The following ABAT variants were observed in gnomAD, a reference collection of about 807,000 sequenced individuals.
The protein encoded by ABAT is 4-aminobutyrate aminotransferase, mitochondrial.
ABAT carries 45 observed loss-of-function variants against 64.6 expected under a neutral mutation model. The ratio of observed to expected loss-of-function variants is 0.70; its 90% CI spans 0.55 to 0.89. ABAT has a LOEUF of 0.89. ABAT is among the 40% of genes least tolerant of loss of function. The pLI is 0.00. For synonymous variants in ABAT, 297 were observed against 250.5 expected (o/e 1.19, Z -1.75); for missense variants, 633 against 658.4 (o/e 0.96, Z 0.42).
intron 8 of ABAT, among the ~76,000 whole-genome samples, chr16:8,765,518 A>G (rs1412291986): frequency 6.6e-6 from 1 of 150,472 alleles, no homozygotes; most frequent in African/African-American, 2.4e-5. Flanking sequence ...ACAAAAAATT[A>G]GCTGGGTGCG....
intron 1 of ABAT, among the ~76,000 whole-genome samples, chr16:8,676,209 G>T (rs1482554288): frequency 6.6e-6 from 1 of 152,112 alleles, no homozygotes; most frequent in African/African-American, 2.4e-5. Context: ...GAGGTAAATG[G>T]TCCAGTCTGG....
intron 1 of ABAT, among the ~76,000 whole-genome samples, chr16:8,698,780 C>A (rs1567274531): frequency 6.6e-6 from 1 of 151,386 alleles, no homozygotes; most frequent in African/African-American, 2.4e-5. Flanking sequence ...CCCATCTCTA[C>A]AAAAAAAATA....
At chr16:8,736,056 G>T (rs761820398) in intron 2 of ABAT, 2 of 502,066 alleles carry the variant, frequency 4.0e-6, no homozygotes, top group African/African-American at 1.9e-5. Flanking sequence ...CACAATCATG[G>T]CGGAAGGTGA....
intron 5 of ABAT, among the ~76,000 whole-genome samples, chr16:8,754,990 C>G (rs543949830): frequency 1.1e-4 from 17 of 152,042 alleles, no homozygotes; most frequent in Non-Finnish European, 2.2e-4. Context: ...AGTGAGATTC[C>G]TTTCTTATCT....
At chr16:8,676,256 G>A (rs2057199157) in intron 1 of ABAT, among the ~76,000 whole-genome samples, 1 of 152,094 alleles carries the variant, frequency 6.6e-6, no homozygotes, top group South Asian at 2.1e-4. Context: ...CATTAAAGAC[G>A]TGGCCCCTTC....
rs753527295 is a variant in ABAT, at chr16:8,776,316, G to A, written c.1123-28G>A. 8 of 1,613,970 alleles carry A rather than the reference G, an allele frequency of 5.0e-6. No homozygotes were observed. The highest frequency in any genetic ancestry group is 4.4e-5 in the South Asian group (4 of 91,062). Reference sequence around the variant, plus strand: ...CCTGCAGGGTGTGCATGTGTGTGAAGCCTTCCAACACCCGTTCCTCATTCC... The same window carrying A: ...CCTGCAGGGTGTGCATGTGTGTGAAACCTTCCAACACCCGTTCCTCATTCC... On this transcript the variant is annotated intron_variant, in intron 13 of 15. Transcript: ENST00000268251. This position sits in a 1 kb window ranked among gnomAD's most constrained non-coding sequence, Gnocchi z 4.4.
chr16:8,722,281 G>C (rs542525980), intron 1 of ABAT, among the ~76,000 whole-genome samples: 1 of 152,144 alleles, frequency 6.6e-6, no homozygotes, highest in Non-Finnish European at 1.5e-5. Context: ...AACTTGACGG[G>C]GGAAGATAGC....
At chr16:8,735,591 A>G (rs2058899342) in intron 1 of ABAT, 108 bp from the exon 2 acceptor site, 6 of 936,498 alleles carry the variant, frequency 6.4e-6, no homozygotes, top group South Asian at 5.6e-5. Flanking sequence ...GCATTTGACA[A>G]TGTCAGAAGA....
At chr16:8,709,749 G>T (rs2058028016) in intron 1 of ABAT, among the ~76,000 whole-genome samples, 1 of 152,004 alleles carries the variant, frequency 6.6e-6, no homozygotes, top group African/African-American at 2.4e-5. Flanking sequence ...AGAAAAGCGT[G>T]GACTTGGCAA....
chr16:8,738,573 T>C (rs970085502), intron 2 of ABAT: 2 of 397,912 alleles, frequency 5.0e-6, no homozygotes, highest in Admixed American at 3.6e-5. Context: ...TCAATGGCTT[T>C]TGAGGTTTTG....
At chr16:8,752,876 A>G (rs8047293) in intron 5 of ABAT, among the ~76,000 whole-genome samples, 26,243 of 152,240 alleles carry the variant, frequency 0.17, 2,253 homozygotes, top group Middle Eastern at 0.32. Flanking sequence ...GTTAATACTT[A>G]TAGAGAATTT....
Position 8,776,194 on chromosome 16 carries a change from G to T in ABAT, c.1123-150G>T. ...CCTCTGGTAGAGAAGAATTCAGCGAGATTGGGTGTGTTCCCCTGCCAGCCT... is the reference window on the plus strand; with the variant it reads ...CCTCTGGTAGAGAAGAATTCAGCGATATTGGGTGTGTTCCCCTGCCAGCCT... On this transcript the variant is annotated intron_variant, in intron 13 of 15. Coordinates refer to ENST00000268251, the MANE Select transcript of ABAT (RefSeq NM_020686.6). The surrounding 1 kb of genome is among the most constrained non-coding windows in gnomAD (Gnocchi z 4.4). The T allele has an allele frequency of 9.6e-7, 1 of 1,047,070 alleles. No homozygotes were observed. 64.9% of individuals were successfully genotyped at this position (1,047,070 alleles called of 1,614,324 possible). A position where few individuals can be genotyped will look rare whatever the true frequency, so the allele number is the denominator to read the frequency against.
intron 1 of ABAT, among the ~76,000 whole-genome samples, chr16:8,705,871 T>C (rs540281532): frequency 2.0e-4 from 30 of 152,342 alleles, no homozygotes; most frequent in Non-Finnish European, 4.1e-4. Context: ...GCACCAGCCA[T>C]TAGCCCACAT....
intron 1 of ABAT, among the ~76,000 whole-genome samples, chr16:8,734,058 C>T (rs1433052309): frequency 6.6e-6 from 1 of 152,182 alleles, no homozygotes. Flanking sequence ...TAGGTTGCTT[C>T]CACCTCTTGG....
chr16:8,700,199 T>A (rs1208228676), intron 1 of ABAT, among the ~76,000 whole-genome samples: 1 of 152,140 alleles, frequency 6.6e-6, no homozygotes, highest in Non-Finnish European at 1.5e-5. Context: ...ATTGCAGGTG[T>A]GGTTTTTGCC....
intron 1 of ABAT, chr16:8,722,861 GAA>G (rs2058413037): frequency 7.8e-7 from 1 of 1,289,116 alleles, no homozygotes; most frequent in Non-Finnish European, 1.0e-6. Context: ...AAGGCTTGGG[GAA>G]AATGCTGTGG....
chr16:8,696,151 C>G lies in ABAT; in HGVS notation c.-42+21440C>G, dbSNP rs191120509. Among the ~76,000 whole-genome samples the G allele has an allele frequency of 8.9e-4, 135 of 152,310 alleles. 1 individual carries two copies. Among genetic ancestry groups the G allele is most frequent in the Non-Finnish European group, 1.7e-3 (118 of 68,020 alleles). On this transcript the variant is annotated intron_variant, in intron 1 of 15. Transcript: ENST00000268251. ...CAAACCCAGGTCTGAGTGCACAGCC[C>G]ATGACCCTAACACCTGGGCCCCATT...
At chr16:8,678,055 G>A (rs1310229722) in intron 1 of ABAT, among the ~76,000 whole-genome samples, 2 of 151,908 alleles carry the variant, frequency 1.3e-5, no homozygotes, top group African/African-American at 4.8e-5. Flanking sequence ...GTGAGACACT[G>A]TCTCCAAAAA....
chr16:8,767,744 C>T (rs368784338), intron 9 of ABAT, among the ~76,000 whole-genome samples: 133 of 152,254 alleles, frequency 8.7e-4, no homozygotes, highest in African/African-American at 2.7e-3. Context: ...GGCGCGAACT[C>T]GGCTCACTGC....
Sources: gnomAD v4.1 joint callset for allele counts (sites outside exome capture counted in the v4.1 genomes callset) on GRCh38, gnomAD v4.1.1 for gene constraint, Gnocchi (gnomAD v3.1) non-coding constraint, MANE v1.5 for transcripts, NCBI Gene and HGNC (gene_info 2026-07-23, HGNC 2026-07-21) for gene names.